Variants in ETV3 observed in about 807,000 individuals in gnomAD.
ETV3 encodes the protein ETS variant transcription factor 3, also known as ETS translocation variant 3.
Under a neutral mutation model 33.0 loss-of-function variants are expected in ETV3, and 8 were observed. That is an observed-to-expected ratio of 0.24 (90% CI 0.14 to 0.44). The LOEUF (loss-of-function observed/expected upper bound fraction) is 0.44, where lower values mean the gene tolerates loss of function less well. ETV3 is among the 20% of genes least tolerant of loss of function. The pLI, the probability that ETV3 is intolerant of heterozygous loss-of-function variation, is 1.00. For missense variants in ETV3, 473 were observed against 652.3 expected, an observed-to-expected ratio of 0.73 and a Z score of 2.99; for synonymous variants, 222 against 238.9, an observed-to-expected ratio of 0.93 and a Z score of 0.65.
At chr1:157,134,318 T>A in intron 3 of ETV3, 91 bp from the exon 4 acceptor site, 1 of 1,506,448 alleles carries the variant, frequency 6.6e-7, no homozygotes, top group Non-Finnish European at 8.9e-7. Context: ...CAATTCTTGC[T>A]CTGAGTATTA....
At chr1:157,133,189 A>G (rs1170077937) in intron 4 of ETV3, 1 of 157,504 alleles carries the variant, frequency 6.3e-6, no homozygotes, top group Admixed American at 6.5e-5. Context: ...TATTGTTATA[A>G]TTTTTCTATT....
chr1:157,133,498 C>T (rs1377438481), intron 4 of ETV3: 2 of 985,716 alleles, frequency 2.0e-6, no homozygotes, highest in South Asian at 4.7e-5. Context: ...ATGTGGGGAG[C>T]TGTGATGGAA....
At chr1:157,126,645 G>A (rs1329651921) in intron 4 of ETV3, among the ~76,000 whole-genome samples, 1 of 152,256 alleles carries the variant, frequency 6.6e-6, no homozygotes, top group Non-Finnish European at 1.5e-5. Flanking sequence ...GATATATTTC[G>A]AGATGGGATA....
chr1:157,130,357 A>G (rs181887806), intron 4 of ETV3, among the ~76,000 whole-genome samples: 2 of 152,310 alleles, frequency 1.3e-5, no homozygotes, highest in South Asian at 4.1e-4. Context: ...CCCTACTTTT[A>G]TATGTTGAGA....
Position 157,124,765 on chromosome 1 carries a change from C to CCCCCCGGA in ETV3, c.*75_*76insTCCGGGGG. 1.2e-5 allele frequency: 5 copies of CCCCCCGGA among 408,016 alleles called. No homozygotes were observed. Among genetic ancestry groups the CCCCCCGGA allele is most frequent in the South Asian group, 1.4e-4 (2 of 14,094 alleles). 25.3% of individuals were successfully genotyped at this position (408,016 alleles called of 1,614,324 possible). The stretch of plus-strand genomic sequence containing the variant: ...CAAACCAGTTTAACTCCCTCCCCCC[C>CCCCCCGGA]ACCCTGAAATCTTGCTACATAAATA... On this transcript the variant is annotated 3_prime_UTR_variant, in exon 5 of 5. Transcript: ENST00000368192.
At chr1:157,134,951 G>C (rs1294184844) in intron 3 of ETV3, 2 of 161,168 alleles carry the variant, frequency 1.2e-5, no homozygotes, top group Admixed American at 5.8e-5. Flanking sequence ...AAAAGAACCT[G>C]AGAAAACTTA....
In ETV3 at chr1:157,136,343, C is replaced by T. The variant is rs778557258; in HGVS notation, c.10G>A (p.Gly4Ser). Residue 4 changes from glycine (G) to serine (S), a missense_variant, in exon 2 of 5, where the codon GGC becomes AGC. Gly to Ser is a moderately conservative substitution (Grantham distance 56). Around this residue, in one of 3 missense-constraint regions of ETV3, gnomAD observed 33 missense variants for 37.1 expected, o/e 0.89. Transcript: ENST00000368192. MKA[G>S]CSIVEKPEGG... is the part of the protein sequence containing the mutation. Reference sequence around the variant, plus strand: ...TCTGGCTTTTCCACGATGCTACAGCCGGCTTTCATTTTCACCCGCCTGCTG... The same window carrying T: ...TCTGGCTTTTCCACGATGCTACAGCTGGCTTTCATTTTCACCCGCCTGCTG... The T allele has an allele frequency of 6.2e-7, 1 of 1,610,236 alleles. No individual in the cohort carries two copies. Among genetic ancestry groups the T allele is most frequent in the Non-Finnish European group, 8.5e-7 (1 of 1,178,470 alleles).
chr1:157,126,101 A>T, intron 4 of ETV3, 122 bp from the exon 5 acceptor site: 5 of 894,236 alleles, frequency 5.6e-6, no homozygotes, highest in Admixed American at 3.0e-5. Flanking sequence ...ACTGGACTGA[A>T]TCCCACAGTT....
rs1469774562 is a variant in ETV3 at position 157,125,730 on chromosome 1, C to T, written c.650G>A (p.Gly217Glu). 1.3e-6 allele frequency: 2 copies of T among 1,551,690 alleles called. No homozygotes were observed. Among genetic ancestry groups the T allele is most frequent in the Non-Finnish European group, 1.7e-6 (2 of 1,146,986 alleles). Reference protein sequence around the residue: ...DPVSSRNAIGGGGIGHQKRKP... With the variant: ...DPVSSRNAIGEGGIGHQKRKP... ...GCGTTTCTGATGGCCAATCCCTCCT[C>T]CACCAATGGCATTCCTGGAGGACAC... Residue 217 changes from glycine (G) to glutamate (E), a missense_variant, in exon 5 of 5, where the codon GGA (glycine) becomes GAA (glutamate). Coordinates refer to ENST00000368192, the MANE Select transcript of ETV3 (RefSeq NM_001145312.3). This position sits in a 1 kb window ranked among gnomAD's most constrained non-coding sequence, Gnocchi z 4.0.
chr1:157,123,520 G>A lies in ETV3; in HGVS notation c.*1321C>T, dbSNP rs1488386257. 1 of 152,228 alleles carries A rather than the reference G, an allele frequency of 6.6e-6. No homozygotes were observed. Among genetic ancestry groups the A allele is most frequent in the Non-Finnish European group, 1.5e-5 (1 of 68,046 alleles). The allele number at this position is 152,228 out of a possible 1,614,324, so 9.4% of individuals were successfully genotyped here. On this transcript the variant is annotated 3_prime_UTR_variant, in exon 5 of 5. Coordinates refer to ENST00000368192, the MANE Select transcript of ETV3 (RefSeq NM_001145312.3). ...AGGACAGATGCCAACTCTCATTCATGCCAGGCCTTTTGGCATCTGGGTGCC... is the reference window on the plus strand; with the variant it reads ...AGGACAGATGCCAACTCTCATTCATACCAGGCCTTTTGGCATCTGGGTGCC...
In ETV3 at chr1:157,122,634, TCATAC is replaced by T. The variant is rs1478344924; in HGVS notation, c.*2202_*2206del. On this transcript the variant is annotated 3_prime_UTR_variant, in exon 5 of 5. Transcript: ENST00000368192. ...AGGCCTCGTGTTTCTATTCCTGAGT[TCATAC>T]CAACACCTGCTAGCTCTCCCCTCTA... is the stretch of plus-strand genomic sequence containing the variant. The T allele has an allele frequency of 2.6e-5, 4 of 152,156 alleles. No homozygotes were observed. Among genetic ancestry groups the T allele is most frequent in the Admixed American group, 2.0e-4 (3 of 15,278 alleles). 9.4% of individuals were successfully genotyped at this position (152,156 alleles called of 1,614,324 possible). A position where few individuals can be genotyped will look rare whatever the true frequency, so the allele number is the denominator to read the frequency against.
At position 157,135,904 on chromosome 1, in the gene ETV3, A is replaced by C. The variant is rs780048421; in HGVS notation, c.47-196T>G. 1.4e-4 allele frequency among the ~76,000 whole-genome samples: 21 copies of C among 152,214 alleles called. 1 individual carries two copies. Among genetic ancestry groups the C allele is most frequent in the Non-Finnish European group, 2.8e-4 (19 of 68,038 alleles). ...TCACCTATCCTTGTGGCAATCATTA[A>C]ATCTGATAAGAGTTGGGCAGCAGCA... On this transcript the variant is annotated intron_variant, in intron 2 of 4. Coordinates refer to ENST00000368192, the MANE Select transcript of ETV3 (RefSeq NM_001145312.3).
rs1674804943 is a variant in ETV3, at chr1:157,125,368, C to T, written c.1012G>A (p.Glu338Lys). 4 of 1,551,874 alleles carry T rather than the reference C, an allele frequency of 2.6e-6. No homozygotes were observed. Among genetic ancestry groups the T allele is most frequent in the African/African-American group, 1.4e-5 (1 of 73,034 alleles). The change falls in exon 5 of 5, where the codon GAG (glutamate) becomes AAG (lysine). Residue 338 changes from glutamate (E) to lysine (K), a missense_variant. Coordinates refer to ENST00000368192, the MANE Select transcript of ETV3 (RefSeq NM_001145312.3). The surrounding 1 kb of genome is among the most constrained non-coding windows in gnomAD (Gnocchi z 4.0). ...AGCTTGATGGAGAACTGAGTTGACT[C>T]CTCAGGATGCATTTGGCACTGCAGT... is the stretch of plus-strand genomic sequence containing the variant. Reference protein sequence around the residue: ...PPLQCQMHPEESTQFSIKLQP... With the variant: ...PPLQCQMHPEKSTQFSIKLQP...
chr1:157,134,271 A>G (rs774626843), intron 3 of ETV3, 44 bp from the exon 4 acceptor site: 1 of 1,594,056 alleles, frequency 6.3e-7, no homozygotes, highest in Non-Finnish European at 8.5e-7. Context: ...GTAGCTACTG[A>G]CAGCTTTCAA....
Position 157,125,236 on chromosome 1 carries a change from C to A in ETV3, c.1144G>T (p.Val382Leu), listed in dbSNP as rs576275620. 7.1e-6 allele frequency: 11 copies of A among 1,552,128 alleles called. No homozygotes were observed. In the Admixed American group the frequency reaches 2.2e-4, roughly 30 times the overall value. ...TMASIPPRIK[V>L]EPASEKDPES... ...GGATCCTTTTCAGAGGCAGGTTCCA[C>A]CTTGATTCTTGGGGGAATAGAAGCC... Residue 382 changes from valine to leucine, a missense_variant, in exon 5 of 5, where the codon GTG becomes TTG. Val to Leu is a conservative substitution (Grantham distance 32). This residue lies in a region of ETV3 where 410 missense variants were observed against 520.2 expected (regional missense o/e 0.79). Transcript: ENST00000368192. This position sits in a 1 kb window ranked among gnomAD's most constrained non-coding sequence, Gnocchi z 4.0.
intron 4 of ETV3, among the ~76,000 whole-genome samples, chr1:157,127,822 C>T (rs1674876356): frequency 1.3e-5 from 2 of 152,154 alleles, no homozygotes; most frequent in Non-Finnish European, 2.9e-5. Flanking sequence ...GCTGGGATTA[C>T]AGGTGTGAGC....
chr1:157,124,088 C>G lies in ETV3; in HGVS notation c.*753G>C. ...GTAGGTGAAAAGTCTGAGAAGCTCA[C>G]AGCAGGGTTTGCCGTCCCAACTATG... is the stretch of plus-strand genomic sequence containing the variant. On this transcript the variant is annotated 3_prime_UTR_variant, in exon 5 of 5. Coordinates refer to ENST00000368192, the MANE Select transcript of ETV3 (RefSeq NM_001145312.3). 1 of 152,112 alleles carries G rather than the reference C, an allele frequency of 6.6e-6. No homozygotes were observed. Among genetic ancestry groups the G allele is most frequent in the Non-Finnish European group, 1.5e-5 (1 of 68,022 alleles). 9.4% of individuals were successfully genotyped at this position (152,112 alleles called of 1,614,324 possible). A position where few individuals can be genotyped will look rare whatever the true frequency, so the allele number is the denominator to read the frequency against.
intron 1 of ETV3, among the ~76,000 whole-genome samples, chr1:157,137,997 C>T (rs1461642865): frequency 1.3e-5 from 2 of 152,192 alleles, no homozygotes; most frequent in African/African-American, 2.4e-5. Context: ...CACAGTCTGG[C>T]GCTGCGGGTT....
intron 4 of ETV3, among the ~76,000 whole-genome samples, chr1:157,130,046 A>G (rs992187179): frequency 1.3e-5 from 2 of 151,948 alleles, no homozygotes; most frequent in Admixed American, 6.6e-5. Context: ...GTTTCACCAT[A>G]TTGGTCAGGC....
Sources: gnomAD v4.1 joint callset for allele counts (sites outside exome capture counted in the v4.1 genomes callset) on GRCh38, gnomAD v4.1.1 for gene constraint, gnomAD v4.1.1 regional missense constraint, Gnocchi (gnomAD v3.1) non-coding constraint, MANE v1.5 for transcripts, NCBI Gene and HGNC (gene_info 2026-07-23, HGNC 2026-07-21) for gene names.